Variants in GK observed in about 807,000 individuals in gnomAD.
The protein encoded by GK is glycerol kinase.
GK carries 9 observed loss-of-function variants against 56.4 expected under a neutral mutation model. The ratio of observed to expected loss-of-function variants is 0.16; its 90% confidence interval spans 0.10 to 0.28. The LOEUF (loss-of-function observed/expected upper bound fraction) is 0.28. Ranked by LOEUF, GK falls within the 10% of genes least tolerant of loss-of-function variation. The pLI, the probability that GK is intolerant of heterozygous loss-of-function variation, is 1.00. For synonymous variants in GK, 104 were observed against 144.1 expected (o/e 0.72, Z 1.99); for missense variants, 161 against 431.4 (o/e 0.37, Z 5.55).
chrX:30,714,476 A>G (rs1016317327), intron 13 of GK, among the ~76,000 whole-genome samples: 1 of 111,572 alleles, frequency 9.0e-6, no homozygotes, highest in Non-Finnish European at 1.9e-5. Flanking sequence ...GTTTCTTGCT[A>G]CCTGTCAGAT....
chrX:30,665,990 T>G (rs2147140756), intron 2 of GK, among the ~76,000 whole-genome samples: 1 of 112,203 alleles, frequency 8.9e-6, no homozygotes, highest in African/African-American at 3.2e-5. Context: ...ATCACATTTT[T>G]GGGAATAGTA....
chrX:30,656,300 T>C (rs1310728028), intron 1 of GK, among the ~76,000 whole-genome samples: 1 of 112,504 alleles, frequency 8.9e-6, no homozygotes, highest in Non-Finnish European at 1.9e-5. Context: ...ATACAGTGGA[T>C]AAGAACTGTC....
intron 18 of GK, among the ~76,000 whole-genome samples, chrX:30,722,570 C>T (rs1416004806): frequency 3.6e-5 from 4 of 111,842 alleles, no homozygotes; most frequent in Non-Finnish European, 5.6e-5. Context: ...TCCCCATAAA[C>T]GAATGGGCAC....
rs959163300 is a variant in GK at position 30,653,519 on chromosome X, C to G, written c.-19C>G. On this transcript the variant is annotated 5_prime_UTR_variant, in exon 1 of 21. Transcript: ENST00000427190. The stretch of plus-strand genomic sequence containing the variant: ...CCAGGAAACCGGCCGCAATCGCCGG[C>G]CGACCTGAAGCTGGTTTCATGGCAG... The G allele has an allele frequency of 8.3e-7, 1 of 1,206,188 alleles. No homozygotes were observed. Among genetic ancestry groups the G allele is most frequent in the African/African-American group, 1.7e-5 (1 of 57,871 alleles).
At chrX:30,708,214 C>T (rs1373339822) in intron 13 of GK, 80 bp downstream of exon 13, 2 of 566,917 alleles carry the variant, frequency 3.5e-6, no homozygotes, top group African/African-American at 4.6e-5. Flanking sequence ...TAACACTTTT[C>T]TGGTAAATCT....
rs1184645786 is a variant in GK, at chrX:30,693,011, C to CTTTTTTTT, written c.415-1373_415-1366dup. 2.5e-4 allele frequency among the ~76,000 whole-genome samples: 14 copies of CTTTTTTTT among 56,600 alleles called. 1 individual carries two copies. The highest frequency in any genetic ancestry group is 0.036 in the Middle Eastern group (2 of 55). 49.2% of individuals were successfully genotyped at this position (56,600 alleles called of 115,157 possible). A position where few individuals can be genotyped will look rare whatever the true frequency, so the allele number is the denominator to read the frequency against. ...TGTGTATGTATTTTCTTTTTCTTTTCTTTTTTTTTTTTTTTTTTTTTTTGA... is the reference window on the plus strand; with the variant it reads ...TGTGTATGTATTTTCTTTTTCTTTTCTTTTTTTTTTTTTTTTTTTTTTTTTTTTTTTGA... On this transcript the variant is annotated intron_variant, in intron 5 of 20. Coordinates refer to ENST00000427190, the MANE Select transcript of GK (RefSeq NM_001205019.2).
chrX:30,695,986 T>C, intron 6 of GK, 56 bp from the exon 7 acceptor site: 2 of 624,910 alleles, frequency 3.2e-6, no homozygotes, highest in Non-Finnish European at 5.5e-6. Flanking sequence ...CTTAACAATA[T>C]GTAAATTAAA....
chrX:30,724,576 T>C, intron 19 of GK: 1 of 297,828 alleles, frequency 3.4e-6, no homozygotes. Flanking sequence ...GAAAGCTGTA[T>C]TAATTTCAGA....
intron 11 of GK, among the ~76,000 whole-genome samples, chrX:30,704,214 C>A (rs183768671): frequency 1.7e-3 from 179 of 102,360 alleles, no homozygotes; most frequent in Admixed American, 2.9e-3. Flanking sequence ...ATACTGCAAC[C>A]TTGACCTCCT....
intron 3 of GK, chrX:30,674,296 T>C (rs1016514464): frequency 9.1e-6 from 3 of 329,768 alleles, no homozygotes; most frequent in African/African-American, 7.9e-5. Context: ...TGCCCTGTTT[T>C]GGCAGATAAC....
chrX:30,680,990 TC>T (rs1299336768), intron 4 of GK, among the ~76,000 whole-genome samples: 1 of 111,990 alleles, frequency 8.9e-6, no homozygotes, highest in African/African-American at 3.2e-5. Flanking sequence ...TGGCCTAACT[TC>T]CTTTCAGAAA....
At chrX:30,690,067 T>C (rs1446567314) in intron 4 of GK, among the ~76,000 whole-genome samples, 1 of 111,782 alleles carries the variant, frequency 8.9e-6, no homozygotes, top group Admixed American at 9.5e-5. Flanking sequence ...TTAGAAAGAA[T>C]TGATTAAAAT....
At chrX:30,680,190 A>C (rs1934201249) in intron 4 of GK, among the ~76,000 whole-genome samples, 1 of 111,850 alleles carries the variant, frequency 8.9e-6, no homozygotes, top group Non-Finnish European at 1.9e-5. Context: ...TAGAACTAGC[A>C]GCGATAATAA....
At chrX:30,664,702 CTT>C (rs35313243) in intron 1 of GK, among the ~76,000 whole-genome samples, 25 of 57,663 alleles carry the variant, frequency 4.3e-4, no homozygotes, top group East Asian at 2.4e-3. Context: ...ACTCTATTGC[CTT>C]TTTTTTTTTT....
rs1466020603 is a variant in GK at position 30,701,770 on chromosome X, C to G, written c.851+865C>G. Among the ~76,000 whole-genome samples, 4 of 112,145 alleles carry G rather than the reference C, an allele frequency of 3.6e-5. No individual in the cohort carries two copies. The East Asian group carries it at 1.1e-3, about 31-fold the overall frequency. On this transcript the variant is annotated intron_variant, in intron 11 of 20. Coordinates refer to ENST00000427190, the MANE Select transcript of GK (RefSeq NM_001205019.2). ...AAGTAGAGATTTGGTATATTTTTCTCTCAATCTCATCTTCTTACTACTCAC... is the reference window on the plus strand; with the variant it reads ...AAGTAGAGATTTGGTATATTTTTCTGTCAATCTCATCTTCTTACTACTCAC...
chrX:30,662,847 T>C (rs868203047), intron 1 of GK, among the ~76,000 whole-genome samples: 6 of 36,134 alleles, frequency 1.7e-4, no homozygotes, highest in African/African-American at 4.8e-4. Flanking sequence ...CTTTCTTTCT[T>C]TCTTTCTTTC....
At chrX:30,703,569 G>A (rs752907426) in intron 11 of GK, among the ~76,000 whole-genome samples, 4 of 111,993 alleles carry the variant, frequency 3.6e-5, no homozygotes, top group Admixed American at 2.8e-4. Flanking sequence ...AGTAAGGAAA[G>A]GGTCTGAGTG....
intron 14 of GK, 67 bp downstream of exon 14, chrX:30,718,683 A>C (rs1396496227): frequency 6.2e-6 from 4 of 649,033 alleles, no homozygotes; most frequent in Non-Finnish European, 1.0e-5. Context: ...TTATCTCTGC[A>C]AAGTAAATAC....
chrX:30,701,015 A>G, intron 11 of GK, 110 bp downstream of exon 11: 1 of 532,196 alleles, frequency 1.9e-6, no homozygotes, highest in Non-Finnish European at 3.4e-6. Context: ...TCAATAGCTT[A>G]ATAGCTCCAA....
Sources: gnomAD v4.1 joint callset for allele counts (sites outside exome capture counted in the v4.1 genomes callset) on GRCh38, gnomAD v4.1.1 for gene constraint, MANE v1.5 for transcripts, NCBI Gene and HGNC (gene_info 2026-07-23, HGNC 2026-07-21) for gene names.